Variants in NBPF20 observed in about 807,000 individuals in gnomAD.
NBPF20 encodes the protein NBPF family member NBPF20.
In NBPF20, 90 loss-of-function variants were observed where a neutral mutation model predicts 68.1. The ratio of observed to expected loss-of-function variants is 1.32; its 90% CI spans 1.11 to 1.58. The LOEUF is 1.58. NBPF20 is among the 40% of genes most tolerant of loss of function. The probability of loss-of-function intolerance (pLI) is 0.00; values close to 1 mark genes in which losing one functional copy is unlikely to be tolerated. For missense variants in NBPF20, 816 were observed against 601.2 expected (o/e 1.36, Z -3.74); for synonymous variants, 290 against 228.1 (o/e 1.27, Z -2.45).
chr1:145,292,669 C>T (rs1290154759), intron 136 of NBPF20, among the ~76,000 whole-genome samples, 180 bp from the exon 142 acceptor site: 4 of 147,050 alleles, frequency 2.7e-5, no homozygotes, highest in Non-Finnish European at 5.9e-5. Flanking sequence ...GGTTTTTCTC[C>T]CAGAAACTGT....
intron 136 of NBPF20, among the ~76,000 whole-genome samples, 183 bp from the exon 142 acceptor site, chr1:145,292,672 G>C (rs1321328303): frequency 6.8e-6 from 1 of 147,026 alleles, no homozygotes; most frequent in African/African-American, 2.7e-5. Context: ...TTTTCTCCCA[G>C]AAACTGTGGG....
At chr1:145,342,795 A>G (rs1661629714) in intron 73 of NBPF20, among the ~76,000 whole-genome samples, 1 of 116,564 alleles carries the variant, frequency 8.6e-6, no homozygotes, top group Non-Finnish European at 1.8e-5. Context: ...ACACACACAC[A>G]GACACACACA....
At chr1:145,291,466 C>G in exon 138 of NBPF20, 1 of 1,611,982 alleles carries the variant, frequency 6.2e-7, no homozygotes, top group East Asian at 2.2e-5. Flanking sequence ...TCATTCAAAT[C>G]TTCACGTGCC....
intron 5 of NBPF20, among the ~76,000 whole-genome samples, 186 bp from the exon 11 acceptor site, chr1:145,400,780 C>G (rs1662486984): frequency 6.6e-6 from 1 of 151,984 alleles, no homozygotes; most frequent in Non-Finnish European, 1.5e-5. Context: ...GCCATGGGAA[C>G]CAGAGAGGAA....
In NBPF20 at chr1:145,393,702, G is replaced by T; in HGVS notation, c.1043+182C>A. 15 of 1,465,424 alleles carry T rather than the reference G, an allele frequency of 1.0e-5. No individual in the cohort carries two copies. The South Asian group carries it at 1.6e-4, about 15-fold the overall frequency. 90.8% of individuals were successfully genotyped at this position (1,465,424 alleles called of 1,614,324 possible). A position where few individuals can be genotyped will look rare whatever the true frequency, so the allele number is the denominator to read the frequency against. On this transcript the variant is annotated intron_variant, in intron 9 of 137. Transcript: ENST00000369373. Reference sequence around the variant, plus strand: ...CTTTCACTAGGTTAGTAAATGATAAGGGTAGGAAGAAATGGAAACCTAAAC... The same window carrying T: ...CTTTCACTAGGTTAGTAAATGATAATGGTAGGAAGAAATGGAAACCTAAAC...
At chr1:145,411,230 A>G in the NBPF20 span, among the ~76,000 whole-genome samples, 1 of 147,998 alleles carries the variant, frequency 6.8e-6, no homozygotes, top group Non-Finnish European at 1.5e-5. Flanking sequence ...CTGGAGATCA[A>G]TTTACGAAGA....
Position 145,291,746 on chromosome 1 carries a change from A to G in NBPF20, c.16721T>C (p.Val5574Ala), listed in dbSNP as rs781784160. The G allele has an allele frequency of 9.9e-6, 16 of 1,611,830 alleles. No homozygotes were observed. In the Admixed American group the frequency reaches 2.7e-4, roughly 27 times the overall value. Residue 5574 changes from valine (V) to alanine (A), a missense_variant, in exon 138 of 138, where the codon GTG becomes GCG. By Grantham distance (64) the Val-to-Ala change is moderately conservative. Transcript: ENST00000369373. ...GTCCTGTAAGACTTCAGGCTCTTCC[A>G]CTTCCATCAGCACGCCGTTGAGCCT...
In NBPF20 at chr1:145,401,157, G is replaced by C. The variant is rs1381427963; in HGVS notation, c.494-26C>G. ...CTGTAAATACAGAAGTGTTCGTTCAGATATTTCCCACTTCACAGTCTGCAA... is the reference window on the plus strand; with the variant it reads ...CTGTAAATACAGAAGTGTTCGTTCACATATTTCCCACTTCACAGTCTGCAA... On this transcript the variant is annotated intron_variant, in intron 4 of 137. Transcript: ENST00000369373. 2.5e-6 allele frequency: 4 copies of C among 1,592,220 alleles called. No individual in the cohort carries two copies. In the South Asian group the frequency reaches 3.3e-5, roughly 13 times the overall value.
chr1:145,394,345 T>C (rs2101538560), intron 8 of NBPF20, among the ~76,000 whole-genome samples: 1 of 151,910 alleles, frequency 6.6e-6, no homozygotes, highest in East Asian at 1.9e-4. Flanking sequence ...GGGTGCAATG[T>C]ACCAGCTCTT....
At chr1:145,421,748 A>T in the NBPF20 span, among the ~76,000 whole-genome samples, 1 of 152,256 alleles carries the variant, frequency 6.6e-6, no homozygotes, top group Non-Finnish European at 1.5e-5. Flanking sequence ...AAAAATTATT[A>T]AAACTAAAAT....
chr1:145,400,615 G>C (rs1662477521), intron 5 of NBPF20, 21 bp from the exon 11 acceptor site: 2 of 1,604,666 alleles, frequency 1.2e-6, no homozygotes, highest in South Asian at 2.2e-5. Context: ...AGGTGGGACA[G>C]AGATGACAGA....
intron 6 of NBPF20, 23 bp downstream of exon 11, chr1:145,400,366 G>A: frequency 1.9e-6 from 3 of 1,612,290 alleles, no homozygotes; most frequent in Non-Finnish European, 2.5e-6. Context: ...AGAGGTATGA[G>A]ACACAAGGAA....
chr1:145,397,579 A>T (rs1466056111), intron 7 of NBPF20, among the ~76,000 whole-genome samples: 1 of 152,218 alleles, frequency 6.6e-6, no homozygotes, highest in African/African-American at 2.4e-5. Flanking sequence ...GAGCTCCTAA[A>T]GGAAGCAGTA....
At chr1:145,394,426 A>G (rs1215935395) in intron 8 of NBPF20, among the ~76,000 whole-genome samples, 7 of 151,884 alleles carry the variant, frequency 4.6e-5, no homozygotes, top group South Asian at 2.1e-4. Context: ...AAAGTCAGCC[A>G]TTTATCTAGA....
At chr1:145,342,750 C>G (rs1661627473) in intron 73 of NBPF20, among the ~76,000 whole-genome samples, 191 bp from the exon 79 acceptor site, 1 of 113,672 alleles carries the variant, frequency 8.8e-6, no homozygotes, top group Non-Finnish European at 1.8e-5. Flanking sequence ...AAGAGAAAGA[C>G]AGATAGACAC....
rs587616544 is a variant in NBPF20 at position 145,291,563 on chromosome 1, T to G, written c.16904A>C (p.His5635Pro). 1.6e-5 allele frequency: 25 copies of G among 1,612,006 alleles called. No individual in the cohort carries two copies. In the East Asian group the frequency reaches 4.9e-4, roughly 32 times the overall value. The change falls in exon 138 of 138, where the codon CAC becomes CCC. Residue 5635 changes from histidine (H) to proline (P), a missense_variant. Physicochemically the swap from His to Pro is moderately conservative, Grantham distance 77 (BLOSUM62 -2). Transcript: ENST00000369373. ...TATGACTCCCATCTGGAACACCAGG[T>G]GGAGACTTGTCACCGTCAAAGTAAA...
chr1:145,411,256 A>T, the NBPF20 span, among the ~76,000 whole-genome samples: 1 of 149,520 alleles, frequency 6.7e-6, no homozygotes, highest in Non-Finnish European at 1.5e-5. Context: ...CTTTTTAAAC[A>T]TAACAACTCT....
upstream of NBPF20, among the ~76,000 whole-genome samples, chr1:145,409,981 C>CCG (rs1441791606): frequency 2.0e-5 from 3 of 151,972 alleles, no homozygotes; most frequent in African/African-American, 7.2e-5. Context: ...AAACAGCATC[C>CCG]CGCCCCTCAG....
intron 9 of NBPF20, 60 bp from the exon 15 acceptor site, chr1:145,393,306 A>G (rs1319511809): frequency 1.5e-6 from 1 of 677,610 alleles, no homozygotes; most frequent in Non-Finnish European, 2.7e-6. Flanking sequence ...ACACAGCCCC[A>G]GCTAGATTTC....
Sources: allele counts gnomAD v4.1 joint callset (sites outside exome capture counted in the v4.1 genomes callset), GRCh38; gene constraint gnomAD v4.1.1; transcripts MANE v1.5; gene names NCBI Gene and HGNC (gene_info 2026-07-23, HGNC 2026-07-21).